ZSWIM6: variants seen among roughly 807,000 people sequenced by gnomAD.
ZSWIM6 encodes zinc finger SWIM domain-containing protein 6.
In ZSWIM6, 9 loss-of-function variants were observed where a neutral mutation model predicts 113.2. The ratio of observed to expected loss-of-function variants is 0.08; its 90% CI spans 0.05 to 0.14. ZSWIM6 has a LOEUF of 0.14. ZSWIM6 is among the 10% of genes least tolerant of loss of function. The pLI is 1.00. For missense variants in ZSWIM6, 1,162 were observed against 1,552.2 expected (o/e 0.75, Z 4.22); for synonymous variants, 611 against 606.5 (o/e 1.01, Z -0.11).
Position 61,332,422 on chromosome 5 carries a change from C to CGCGGCG in ZSWIM6, c.163_168dup (p.Ala55_Ala56dup), listed in dbSNP as rs779283808. On this transcript the variant is annotated inframe_insertion, in exon 1 of 14. Transcript: ENST00000252744. The stretch of plus-strand genomic sequence containing the variant: ...GTCGGCCAGGCCCGCGGGCGGGTGG[C>CGCGGCG]GCGGCGGCGGCGGCGGCGTGCGGGG... 4.6e-5 allele frequency: 46 copies of CGCGGCG among 995,410 alleles called. No individual in the cohort carries two copies. The highest frequency in any genetic ancestry group is 1.1e-4 in the African/African-American group (6 of 55,650). The allele number at this position is 995,410 out of a possible 1,614,324, so 61.7% of individuals were successfully genotyped here.
At chr5:61,353,994 C>T (rs1744846165) in intron 1 of ZSWIM6, among the ~76,000 whole-genome samples, 1 of 152,200 alleles carries the variant, frequency 6.6e-6, no homozygotes, top group Non-Finnish European at 1.5e-5. Flanking sequence ...CGAATTATAG[C>T]TTAAAGACCT....
At chr5:61,347,063 T>A (rs1278840638) in intron 1 of ZSWIM6, 2 of 152,786 alleles carry the variant, frequency 1.3e-5, no homozygotes, top group Admixed American at 1.3e-4. Context: ...CTAGTAACTA[T>A]GAGTTTATTC....
intron 1 of ZSWIM6, among the ~76,000 whole-genome samples, chr5:61,341,873 C>CTTTT (rs35227918): frequency 4.6e-4 from 44 of 94,682 alleles, no homozygotes; most frequent in African/African-American, 8.1e-4. Flanking sequence ...TCTCTGTAAC[C>CTTTT]TTTTTTTTTT....
intron 1 of ZSWIM6, among the ~76,000 whole-genome samples, chr5:61,443,506 A>G (rs1746881872): frequency 6.6e-6 from 1 of 152,192 alleles, no homozygotes; most frequent in Non-Finnish European, 1.5e-5. Flanking sequence ...AGGGGACCCA[A>G]TATCCAGAAA....
intron 1 of ZSWIM6, among the ~76,000 whole-genome samples, chr5:61,408,797 G>A (rs1032338894): frequency 6.6e-6 from 1 of 152,266 alleles, no homozygotes; most frequent in African/African-American, 2.4e-5. Flanking sequence ...CTTCCCACCA[G>A]TGGGTTTGTC....
At chr5:61,434,522 A>G (rs1009827659) in intron 1 of ZSWIM6, among the ~76,000 whole-genome samples, 6 of 150,346 alleles carry the variant, frequency 4.0e-5, no homozygotes, top group African/African-American at 1.5e-4. Flanking sequence ...TTTAGTTCCC[A>G]CTTGTGAGAA....
intron 1 of ZSWIM6, among the ~76,000 whole-genome samples, chr5:61,471,842 G>A (rs1023669240): frequency 1.3e-5 from 2 of 152,150 alleles, no homozygotes; most frequent in African/African-American, 4.8e-5. Flanking sequence ...GGGGACCACT[G>A]TCATAGAGGA....
chr5:61,364,250 C>G (rs755722025), intron 1 of ZSWIM6, among the ~76,000 whole-genome samples: 1 of 151,962 alleles, frequency 6.6e-6, no homozygotes, highest in African/African-American at 2.4e-5. Flanking sequence ...ATACTCCATC[C>G]CCTCTAGATT....
chr5:61,498,949 A>C (rs1312241720), intron 4 of ZSWIM6, among the ~76,000 whole-genome samples: 1 of 151,996 alleles, frequency 6.6e-6, no homozygotes, highest in Non-Finnish European at 1.5e-5. Context: ...GCCCCCACCA[A>C]CACCCCCATC....
chr5:61,411,059 C>G (rs1746140557), intron 1 of ZSWIM6, among the ~76,000 whole-genome samples: 2 of 152,226 alleles, frequency 1.3e-5, no homozygotes, highest in Admixed American at 1.3e-4. Flanking sequence ...TGGATGCTGA[C>G]TGGTCTCTCC....
At chr5:61,491,227 CA>C (rs1376848792) in intron 3 of ZSWIM6, among the ~76,000 whole-genome samples, 1 of 151,888 alleles carries the variant, frequency 6.6e-6, no homozygotes, top group African/African-American at 2.4e-5. Context: ...CAGTGTTATT[CA>C]AAATGCCATT....
intron 5 of ZSWIM6, among the ~76,000 whole-genome samples, chr5:61,523,788 T>C (rs1749202336): frequency 1.3e-5 from 2 of 152,240 alleles, no homozygotes; most frequent in South Asian, 4.1e-4. Context: ...TTAAATTTCA[T>C]TTCATGAGTA....
chr5:61,528,174 C>T (rs1227249281), intron 7 of ZSWIM6, among the ~76,000 whole-genome samples: 3 of 152,090 alleles, frequency 2.0e-5, no homozygotes, highest in Non-Finnish European at 4.4e-5. Flanking sequence ...AGTACCATAA[C>T]AGCTACTTGT....
intron 1 of ZSWIM6, among the ~76,000 whole-genome samples, chr5:61,399,276 GA>G: frequency 7.6e-6 from 1 of 131,500 alleles, no homozygotes; most frequent in African/African-American, 2.9e-5. Flanking sequence ...TCTATTATTT[GA>G]AAAATGTGTT....
intron 1 of ZSWIM6, among the ~76,000 whole-genome samples, chr5:61,390,392 C>T (rs540986370): frequency 6.6e-6 from 1 of 152,304 alleles, no homozygotes; most frequent in East Asian, 1.9e-4. Flanking sequence ...TAGATACCTT[C>T]AGATACCTTA....
In ZSWIM6 at chr5:61,538,948, C is replaced by T; in HGVS notation, c.2516C>T (p.Ser839Phe). The T allele has an allele frequency of 6.4e-7, 1 of 1,551,848 alleles. No individual in the cohort carries two copies. Among genetic ancestry groups the T allele is most frequent in the Non-Finnish European group, 8.7e-7 (1 of 1,146,952 alleles). The change falls in exon 11 of 14, where the codon TCC becomes TTC. Residue 839 changes from serine to phenylalanine, a missense_variant. Transcript: ENST00000252744. ...GAGTCCCAGCAGTGTGAGCTGGCATCCACCATGCTAACTGCAGCCAAAGGT... is the reference window on the plus strand; with the variant it reads ...GAGTCCCAGCAGTGTGAGCTGGCATTCACCATGCTAACTGCAGCCAAAGGT... ...HIESQQCELA[S>F]TMLTAAKGDV...
intron 13 of ZSWIM6, among the ~76,000 whole-genome samples, 199 bp downstream of exon 13, chr5:61,542,164 T>C (rs1303522011): frequency 6.6e-6 from 1 of 152,264 alleles, no homozygotes; most frequent in Non-Finnish European, 1.5e-5. Context: ...CAACTTGAAA[T>C]GGTCACATTT....
At chr5:61,529,292 A>G (rs1749368693) in intron 7 of ZSWIM6, among the ~76,000 whole-genome samples, 2 of 152,258 alleles carry the variant, frequency 1.3e-5, no homozygotes, top group South Asian at 4.1e-4. Context: ...ACAACAATGG[A>G]ATATATCTTA....
intron 1 of ZSWIM6, among the ~76,000 whole-genome samples, chr5:61,448,362 A>G (rs1270604335): frequency 6.6e-6 from 1 of 152,250 alleles, no homozygotes; most frequent in Non-Finnish European, 1.5e-5. Context: ...TTGTGGGTCA[A>G]GTGAGATCAT....
Sources: allele counts gnomAD v4.1 joint callset (sites outside exome capture counted in the v4.1 genomes callset), GRCh38; gene constraint gnomAD v4.1.1; transcripts MANE v1.5; gene names NCBI Gene and HGNC (gene_info 2026-07-23, HGNC 2026-07-21).